ANKMY1: variants seen among roughly 807,000 people sequenced by gnomAD.
The protein encoded by ANKMY1 is ankyrin repeat and MYND domain-containing protein 1.
ANKMY1 carries 98 observed loss-of-function variants against 102.0 expected under a neutral mutation model. The observed-to-expected ratio is 0.96, with a 90% CI of 0.82 to 1.14. ANKMY1 has a LOEUF of 1.14. Ranked by LOEUF, ANKMY1 falls within the 50% of genes most tolerant of loss-of-function variation. The pLI is 0.00. For missense variants in ANKMY1, 1,330 were observed against 1,347.6 expected (o/e 0.99, Z 0.20); for synonymous variants, 582 against 559.9 (o/e 1.04, Z -0.56).
At chr2:240,513,918 G>A (rs556554837) in intron 9 of ANKMY1, among the ~76,000 whole-genome samples, 18 of 152,356 alleles carry the variant, frequency 1.2e-4, no homozygotes, top group Admixed American at 3.3e-4. Flanking sequence ...TGGGGAGGCC[G>A]GTGCTGCAGG....
chr2:240,529,695 G>A lies in ANKMY1; in HGVS notation c.481-186C>T, dbSNP rs1467581911. Among the ~76,000 whole-genome samples, 20 of 152,208 alleles carry A rather than the reference G, an allele frequency of 1.3e-4. No individual in the cohort carries two copies. Among genetic ancestry groups the A allele is most frequent in the Admixed American group, 8.5e-4 (13 of 15,282 alleles). On this transcript the variant is annotated intron_variant, in intron 4 of 17. Transcript: ENST00000401804. The surrounding 1 kb of genome is among the most constrained non-coding windows in gnomAD (Gnocchi z 4.2). Reference sequence around the variant, plus strand: ...GGGACCGAGGCGGACCAGCTCTCCCGAGGAACAGGAAGGAGGGCACTCCAG... The same window carrying A: ...GGGACCGAGGCGGACCAGCTCTCCCAAGGAACAGGAAGGAGGGCACTCCAG...
intron 15 of ANKMY1, among the ~76,000 whole-genome samples, chr2:240,484,132 C>T (rs528928029): frequency 6.6e-6 from 1 of 152,120 alleles, no homozygotes; most frequent in African/African-American, 2.4e-5. Context: ...GTGAATAGTG[C>T]TGCAATAAAC....
rs1381243500 is a variant in ANKMY1 at position 240,482,203 on chromosome 2, C to T, written c.2865G>A (p.Leu955=). 3.7e-6 allele frequency: 6 copies of T among 1,612,498 alleles called. No homozygotes were observed. Among genetic ancestry groups the T allele is most frequent in the Non-Finnish European group, 5.1e-6 (6 of 1,179,296 alleles). ...KKKGPSLPRG[L]DVKEQGQIPF... ...CTTACTGCCCCTGCTCCTTCACATC[C>T]AGGCCCCTGGGCAGGCTGGGGCCCT... is the stretch of plus-strand genomic sequence containing the variant. The change falls in exon 16 of 18, where the codon CTG becomes CTA. Residue 955 remains leucine, a synonymous_variant. Transcript: ENST00000401804.
chr2:240,482,729 G>A (rs1016823928), intron 15 of ANKMY1, among the ~76,000 whole-genome samples: 1 of 152,168 alleles, frequency 6.6e-6, no homozygotes, highest in Non-Finnish European at 1.5e-5. Context: ...AGTCTGTCCT[G>A]GAGAATGTCT....
chr2:240,476,578 C>T (rs143339018), downstream of ANKMY1, among the ~76,000 whole-genome samples: 1 of 152,298 alleles, frequency 6.6e-6, no homozygotes, highest in African/African-American at 2.4e-5. Context: ...GAAAAGGCCA[C>T]AGAGCTGCAG....
chr2:240,523,659 C>T, intron 8 of ANKMY1: 1 of 690,390 alleles, frequency 1.4e-6, no homozygotes, highest in South Asian at 2.0e-5. Flanking sequence ...GTCACCGTGG[C>T]ACCCCCACAG....
At chr2:240,468,693 A>G in the ANKMY1 span, among the ~76,000 whole-genome samples, 2 of 152,148 alleles carry the variant, frequency 1.3e-5, no homozygotes, top group African/African-American at 4.8e-5. Context: ...TCTGGTGAAC[A>G]TTTTTAACAT....
chr2:240,473,823 C>T, the ANKMY1 span, among the ~76,000 whole-genome samples: 4 of 152,098 alleles, frequency 2.6e-5, no homozygotes, highest in South Asian at 2.1e-4. Context: ...CATCCTGTTT[C>T]GGTAAAAACT....
intron 8 of ANKMY1, chr2:240,522,496 G>A (rs1469595148): frequency 6.6e-6 from 1 of 152,250 alleles, no homozygotes; most frequent in Non-Finnish European, 1.5e-5. Context: ...GCTGGACGAA[G>A]GAGTATTTGA....
At chr2:240,521,479 G>A (rs1286550754) in intron 8 of ANKMY1, among the ~76,000 whole-genome samples, 6 of 150,326 alleles carry the variant, frequency 4.0e-5, no homozygotes, top group African/African-American at 4.9e-5. Context: ...CGCGGAACTC[G>A]CGGTGTTACA....
chr2:240,473,136 A>AC, the ANKMY1 span, among the ~76,000 whole-genome samples: 2 of 150,674 alleles, frequency 1.3e-5, no homozygotes, highest in Middle Eastern at 3.4e-3. Flanking sequence ...AAAAAAAAAA[A>AC]AAACAAAAAA....
intron 15 of ANKMY1, among the ~76,000 whole-genome samples, chr2:240,490,867 A>T (rs2076565875): frequency 6.6e-6 from 1 of 152,144 alleles, no homozygotes; most frequent in African/African-American, 2.4e-5. Context: ...TCCTGTTTCA[A>T]TTCAATGTTT....
At chr2:240,509,241 ATG>A (rs1491488865) in intron 12 of ANKMY1, 105 bp downstream of exon 12, 33 of 877,946 alleles carry the variant, frequency 3.8e-5, no homozygotes, top group Non-Finnish European at 5.4e-5. Flanking sequence ...GGATGGATGG[ATG>A]GATAAATGGC....
intron 15 of ANKMY1, among the ~76,000 whole-genome samples, chr2:240,485,822 G>A (rs1347164770): frequency 6.6e-6 from 1 of 152,026 alleles, no homozygotes; most frequent in Non-Finnish European, 1.5e-5. Context: ...TAAACTCCTG[G>A]GCTCAAATAA....
Position 240,482,281 on chromosome 2 carries a change from G to C in ANKMY1, c.2807-20C>G. On this transcript the variant is annotated intron_variant, in intron 15 of 17. Transcript: ENST00000401804. ...GCTCCGCTGCATGAGAGAGGGTCCCGCATTAGTACCCACGTGGCAGGGTGG... is the reference window on the plus strand; with the variant it reads ...GCTCCGCTGCATGAGAGAGGGTCCCCCATTAGTACCCACGTGGCAGGGTGG... 6.2e-7 allele frequency: 1 copy of C among 1,601,258 alleles called. No individual in the cohort carries two copies. The highest frequency in any genetic ancestry group is 8.5e-7 in the Non-Finnish European group (1 of 1,174,394).
At chr2:240,538,761 T>C (rs112819073) in intron 4 of ANKMY1, among the ~76,000 whole-genome samples, 11,092 of 152,182 alleles carry the variant, frequency 0.073, 462 homozygotes, top group Middle Eastern at 0.2. Context: ...TGGAGAACTT[T>C]TGTGTCTAGC....
rs553811094 is a variant in ANKMY1, at chr2:240,526,735, T to G, written c.954-290A>C. ...AGTACATCCATGCATCTCTGATTCATCTGGGTGTTTGCTAAGAAATGGGCT... is the reference window on the plus strand; with the variant it reads ...AGTACATCCATGCATCTCTGATTCAGCTGGGTGTTTGCTAAGAAATGGGCT... On this transcript the variant is annotated intron_variant, in intron 5 of 17. Coordinates refer to ENST00000401804, the MANE Select transcript of ANKMY1 (RefSeq NM_001282771.3). The G allele has an allele frequency of 1.1e-4, 153 of 1,333,140 alleles. 1 individual carries two copies. In the African/African-American group the frequency reaches 2.1e-3, roughly 19 times the overall value. The allele number at this position is 1,333,140 out of a possible 1,614,324, so 82.6% of individuals were successfully genotyped here.
chr2:240,555,848 G>A (rs966605442), intron 2 of ANKMY1, among the ~76,000 whole-genome samples: 3 of 152,046 alleles, frequency 2.0e-5, no homozygotes, highest in African/African-American at 4.8e-5. Flanking sequence ...AGGTGGATGG[G>A]GTGCCTCAGA....
Position 240,524,141 on chromosome 2 carries a change from A to G in ANKMY1, c.1576T>C (p.Leu526=), listed in dbSNP as rs776338370. 8.7e-6 allele frequency: 14 copies of G among 1,613,916 alleles called. No individual in the cohort carries two copies. In the East Asian group the frequency reaches 2.9e-4, roughly 33 times the overall value. ...RSSSLKGDSP[L]VKGSLGHVES... ...ACATGGCCAAGGCTGCCCTTCACCA[A>G]CGGGGAGTCCCCCTTCAGAGAGCTG... The change falls in exon 8 of 18, where the codon TTG becomes CTG. Residue 526 remains leucine, a synonymous_variant. Transcript: ENST00000401804.
Sources: gnomAD v4.1 joint callset for allele counts (sites outside exome capture counted in the v4.1 genomes callset) on GRCh38, gnomAD v4.1.1 for gene constraint, Gnocchi (gnomAD v3.1) non-coding constraint, MANE v1.5 for transcripts, NCBI Gene and HGNC (gene_info 2026-07-23, HGNC 2026-07-21) for gene names.